Variants in TMC5 observed in about 807,000 individuals in gnomAD.
The protein encoded by TMC5 is transmembrane channel-like protein 5.
Under a neutral mutation model 110.5 loss-of-function variants are expected in TMC5, and 86 were observed. The observed-to-expected ratio is 0.78, with a 90% confidence interval of 0.65 to 0.93. The LOEUF (loss-of-function observed/expected upper bound fraction) is 0.93, where lower values mean the gene tolerates loss of function less well. Ranked by LOEUF, TMC5 falls within the 40% of genes least tolerant of loss-of-function variation. The pLI, the probability that TMC5 is intolerant of heterozygous loss-of-function variation, is 0.00. For synonymous variants in TMC5, 455 were observed against 439.5 expected, an observed-to-expected ratio of 1.04 and a Z score of -0.44; for missense variants, 1,144 against 1,222.8, an observed-to-expected ratio of 0.94 and a Z score of 0.96.
intron 10 of TMC5, among the ~76,000 whole-genome samples, chr16:19,470,418 C>T (rs544494091): frequency 3.2e-4 from 48 of 152,120 alleles, no homozygotes; most frequent in South Asian, 1.9e-3. Flanking sequence ...AACTCCTAGC[C>T]TCAAGTGATC....
At chr16:19,414,175 T>A (rs973317179), upstream of TMC5, among the ~76,000 whole-genome samples, 4 of 151,524 alleles carry the variant, frequency 2.6e-5, no homozygotes, top group Non-Finnish European at 5.9e-5. Flanking sequence ...AATTCAATCA[T>A]CAGCCTCTAT....
At chr16:19,459,639 G>C (rs1967969283) in intron 5 of TMC5, among the ~76,000 whole-genome samples, 1 of 151,988 alleles carries the variant, frequency 6.6e-6, no homozygotes, top group Admixed American at 6.6e-5. Context: ...AAAATTAGCT[G>C]GTTGTCGTGG....
intron 12 of TMC5, among the ~76,000 whole-genome samples, chr16:19,474,512 A>G (rs1968438493): frequency 6.6e-6 from 1 of 152,128 alleles, no homozygotes; most frequent in South Asian, 2.1e-4. Context: ...ACATAGCCGG[A>G]TGCTGGCTCT....
intron 3 of TMC5, 70 bp downstream of exon 3, chr16:19,440,896 T>G: frequency 1.3e-6 from 2 of 1,495,214 alleles, no homozygotes; most frequent in South Asian, 2.5e-5. Context: ...CAATGGAATT[T>G]GGTTGGTGTG....
Position 19,490,583 on chromosome 16 carries a change from C to T in TMC5, c.2747+15C>T, listed in dbSNP as rs370481084. The T allele has an allele frequency of 1.6e-5, 26 of 1,613,616 alleles. No homozygotes were observed. Among genetic ancestry groups the T allele is most frequent in the Non-Finnish European group, 2.1e-5 (25 of 1,179,822 alleles). On this transcript the variant is annotated intron_variant, in intron 18 of 21. Transcript: ENST00000542583. ...CTCATTGTGCTGTGAGTGTGGTACC[C>T]GGGGAATCTAGCAGGGAAAGCCAGG...
chr16:19,435,335 C>CA (rs35284193), intron 2 of TMC5, among the ~76,000 whole-genome samples: 80 of 138,860 alleles, frequency 5.8e-4, no homozygotes, highest in African/African-American at 1.5e-3. Context: ...ACTAAAAATA[C>CA]AAAAAAAAAA....
intron 5 of TMC5, chr16:19,456,961 T>C (rs1212837806): frequency 1.2e-6 from 2 of 1,614,054 alleles, no homozygotes; most frequent in East Asian, 2.2e-5. Context: ...AGACCCTTCA[T>C]AGCCTAGAAT....
intron 1 of TMC5, among the ~76,000 whole-genome samples, chr16:19,412,729 A>G (rs7194358): frequency 0.036 from 5,515 of 152,306 alleles, 351 homozygotes; most frequent in African/African-American, 0.12. Flanking sequence ...GGCACTTAGT[A>G]GGTGCTCAAT....
At chr16:19,471,514 G>A (rs1424344313) in intron 10 of TMC5, among the ~76,000 whole-genome samples, 1 of 152,134 alleles carries the variant, frequency 6.6e-6, no homozygotes, top group Admixed American at 6.6e-5. Flanking sequence ...ACATGGTCCC[G>A]ATCTATTAAT....
chr16:19,424,044 A>G (rs1290607079), intron 1 of TMC5, among the ~76,000 whole-genome samples: 1 of 152,072 alleles, frequency 6.6e-6, no homozygotes, highest in Non-Finnish European at 1.5e-5. Context: ...GTTAGCCACC[A>G]CACCTGCCAC....
intron 3 of TMC5, 122 bp from the exon 4 acceptor site, chr16:19,443,955 GGATA>G (rs1346097126): frequency 3.2e-6 from 3 of 934,408 alleles, no homozygotes; most frequent in African/African-American, 3.4e-5. Context: ...ATGGATGGAT[GGATA>G]AATGGATGGA....
intron 9 of TMC5, 84 bp downstream of exon 9, chr16:19,466,317 A>G: frequency 1.3e-6 from 2 of 1,483,536 alleles, no homozygotes; most frequent in Middle Eastern, 1.8e-4. Flanking sequence ...TTACCCAGGT[A>G]ACAGTTTCTC....
intron 4 of TMC5, among the ~76,000 whole-genome samples, chr16:19,447,955 C>G (rs1187882230): frequency 6.6e-6 from 1 of 151,992 alleles, no homozygotes; most frequent in Admixed American, 6.6e-5. Flanking sequence ...GGAGTTGATT[C>G]CCAGGCAAGA....
At chr16:19,490,226 G>T (rs919837354) in intron 17 of TMC5, among the ~76,000 whole-genome samples, 169 bp from the exon 18 acceptor site, 6 of 152,170 alleles carry the variant, frequency 3.9e-5, no homozygotes, top group African/African-American at 1.4e-4. Context: ...TAGAGTACAG[G>T]TCACCCCAGC....
chr16:19,451,471 A>G (rs1017428048), intron 5 of TMC5, among the ~76,000 whole-genome samples: 3 of 152,162 alleles, frequency 2.0e-5, no homozygotes, highest in Non-Finnish European at 4.4e-5. Context: ...GGGAGAATAA[A>G]TATGTTTAAA....
exon 1 of TMC5, chr16:19,411,135 C>A (rs1245253213): frequency 6.6e-6 from 1 of 152,280 alleles, no homozygotes; most frequent in Non-Finnish European, 1.5e-5. Context: ...AAAGAATAAT[C>A]GCACCCGTTT....
chr16:19,456,864 T>C (rs754483668), intron 5 of TMC5: 56 of 1,614,112 alleles, frequency 3.5e-5, no homozygotes, highest in Non-Finnish European at 4.2e-5. Context: ...ATTGATGTGA[T>C]AGACTCTCAG....
intron 12 of TMC5, among the ~76,000 whole-genome samples, chr16:19,476,697 T>C (rs1968498266): frequency 6.6e-6 from 1 of 152,342 alleles, no homozygotes. Flanking sequence ...CAAAAGAGAA[T>C]GTATCAGTCA....
Position 19,469,670 on chromosome 16 carries a change from G to T in TMC5, c.1638-11G>T. The stretch of plus-strand genomic sequence containing the variant: ...ATAACCTTCAGGTGTTCTGCTTTCT[G>T]CCTTCTCTAGCATGGCCAAGTATTT... On this transcript the variant is annotated splice_polypyrimidine_tract_variant and intron_variant, in intron 9 of 21. Transcript: ENST00000542583. The T allele has an allele frequency of 6.2e-7, 1 of 1,613,650 alleles. No homozygotes were observed. Among genetic ancestry groups the T allele is most frequent in the Non-Finnish European group, 8.5e-7 (1 of 1,179,674 alleles).
Sources: gnomAD v4.1 joint callset for allele counts (sites outside exome capture counted in the v4.1 genomes callset) on GRCh38, gnomAD v4.1.1 for gene constraint, MANE v1.5 for transcripts, NCBI Gene and HGNC (gene_info 2026-07-23, HGNC 2026-07-21) for gene names.